The following MRAS variants were observed in gnomAD, a reference collection of about 807,000 sequenced individuals.
MRAS encodes ras-related protein M-Ras.
In MRAS, 4 loss-of-function variants were observed where a neutral mutation model predicts 20.9. The ratio of observed to expected loss-of-function variants is 0.19; its 90% CI spans 0.09 to 0.44. The LOEUF is 0.44. Among genes scored for constraint, MRAS ranks in the 20% least tolerant of loss-of-function variants. The probability of loss-of-function intolerance (pLI) is 0.99; values close to 1 mark genes in which losing one functional copy is unlikely to be tolerated. For missense variants in MRAS, 154 were observed against 277.5 expected (o/e 0.56, Z 3.16); for synonymous variants, 98 against 102.9 (o/e 0.95, Z 0.29).
chr3:138,396,934 CAA>C, intron 2 of MRAS, among the ~76,000 whole-genome samples: 1 of 152,246 alleles, frequency 6.6e-6, no homozygotes, highest in East Asian at 1.9e-4. Context: ...GGCAGCCTCC[CAA>C]AGAGTCACAG....
At chr3:138,374,818 G>A (rs2054749974) in intron 2 of MRAS, among the ~76,000 whole-genome samples, 1 of 152,146 alleles carries the variant, frequency 6.6e-6, no homozygotes, top group South Asian at 2.1e-4. Context: ...TGCTTTTTCT[G>A]TGTCTACTGA....
At chr3:138,368,319 T>C (rs1438263215) in intron 1 of MRAS, among the ~76,000 whole-genome samples, 5 of 152,162 alleles carry the variant, frequency 3.3e-5, no homozygotes, top group African/African-American at 7.2e-5. Context: ...TGTGTGTGTG[T>C]GCTCCCTCTT....
At chr3:138,376,889 G>A (rs1216557406) in intron 2 of MRAS, among the ~76,000 whole-genome samples, 1 of 152,200 alleles carries the variant, frequency 6.6e-6, no homozygotes, top group African/African-American at 2.4e-5. Context: ...GAAACACATT[G>A]CATAATGCAT....
At chr3:138,361,602 G>A (rs1488492798) in intron 1 of MRAS, among the ~76,000 whole-genome samples, 1 of 152,198 alleles carries the variant, frequency 6.6e-6, no homozygotes, top group African/African-American at 2.4e-5. Flanking sequence ...TTTGTGCAGG[G>A]TTGAGCCTGA....
chr3:138,361,584 G>A (rs1287968601), intron 1 of MRAS, among the ~76,000 whole-genome samples: 2 of 152,210 alleles, frequency 1.3e-5, no homozygotes, highest in African/African-American at 4.8e-5. Flanking sequence ...GGTGCTGGCT[G>A]AATCCAGTTT....
intron 2 of MRAS, among the ~76,000 whole-genome samples, chr3:138,381,382 A>C (rs1456981684): frequency 6.6e-6 from 1 of 152,216 alleles, no homozygotes. Flanking sequence ...CTGGAGAGCC[A>C]GGTTTTGGGC....
chr3:138,390,256 AG>A, intron 2 of MRAS, among the ~76,000 whole-genome samples: 1 of 151,604 alleles, frequency 6.6e-6, no homozygotes, highest in East Asian at 1.9e-4. Context: ...CAGCAGTTCC[AG>A]GGTCTCCAGT....
intron 2 of MRAS, among the ~76,000 whole-genome samples, chr3:138,385,337 G>A (rs2054989438): frequency 1.3e-5 from 2 of 150,302 alleles, no homozygotes; most frequent in South Asian, 4.2e-4. Context: ...GTAGAGACGG[G>A]GTTCTCACTT....
intron 1 of MRAS, among the ~76,000 whole-genome samples, chr3:138,352,602 C>G (rs1432153534): frequency 1.3e-5 from 2 of 152,054 alleles, no homozygotes; most frequent in Non-Finnish European, 2.9e-5. Context: ...TAGGTGGGGA[C>G]TGCTGCATGA....
At chr3:138,364,367 A>G (rs939626783) in intron 1 of MRAS, among the ~76,000 whole-genome samples, 9 of 152,320 alleles carry the variant, frequency 5.9e-5, no homozygotes, top group South Asian at 2.1e-4. Context: ...AACAGTCACT[A>G]TGTGCCAGGT....
chr3:138,371,926 G>C (rs2054682448), intron 1 of MRAS, among the ~76,000 whole-genome samples: 1 of 152,040 alleles, frequency 6.6e-6, no homozygotes, highest in South Asian at 2.1e-4. Context: ...TTGTGACACT[G>C]TTTACAAAGG....
At chr3:138,363,969 C>A (rs1213726885) in intron 1 of MRAS, among the ~76,000 whole-genome samples, 1 of 152,090 alleles carries the variant, frequency 6.6e-6, no homozygotes, top group South Asian at 2.1e-4. Context: ...CTTTGGTGAA[C>A]AAGCAACTCC....
chr3:138,396,427 A>AG (rs1323011816), intron 2 of MRAS, among the ~76,000 whole-genome samples: 1 of 152,156 alleles, frequency 6.6e-6, no homozygotes, highest in African/African-American at 2.4e-5. Context: ...GTCAGGCAGC[A>AG]GGGGGACTGG....
At chr3:138,400,759 T>G (rs1364380120) in intron 5 of MRAS, 146 bp downstream of exon 5, 1 of 689,958 alleles carries the variant, frequency 1.4e-6, no homozygotes, top group East Asian at 2.6e-5. Context: ...TGTCCCTCCT[T>G]CCATTTCTTT....
At chr3:138,378,659 A>G (rs557551107) in intron 2 of MRAS, among the ~76,000 whole-genome samples, 2 of 152,262 alleles carry the variant, frequency 1.3e-5, no homozygotes, top group African/African-American at 2.4e-5. Context: ...CTCTCTTGTC[A>G]TGAATCAGGA....
intron 2 of MRAS, 105 bp downstream of exon 2, chr3:138,373,181 G>A: frequency 2.9e-6 from 3 of 1,050,982 alleles, no homozygotes; most frequent in Non-Finnish European, 1.3e-6. Flanking sequence ...TAATGTTGCT[G>A]TTATGGGATG....
At chr3:138,369,471 T>C (rs1392568414) in intron 1 of MRAS, among the ~76,000 whole-genome samples, 1 of 151,806 alleles carries the variant, frequency 6.6e-6, no homozygotes, top group Non-Finnish European at 1.5e-5. Flanking sequence ...GGGGTGACAG[T>C]AGAGTATAAG....
upstream of MRAS, chr3:138,348,081 G>A (rs1307891100): frequency 6.6e-6 from 1 of 152,248 alleles, no homozygotes; most frequent in African/African-American, 2.4e-5. Flanking sequence ...GCACCCAGAA[G>A]GCCTGCGGGG....
chr3:138,359,360 A>G (rs1222298054), intron 1 of MRAS, among the ~76,000 whole-genome samples: 1 of 151,742 alleles, frequency 6.6e-6, no homozygotes, highest in African/African-American at 2.4e-5. Flanking sequence ...AAAATCTCAC[A>G]CTCATTGCCA....
Sources: allele counts gnomAD v4.1 joint callset (sites outside exome capture counted in the v4.1 genomes callset), GRCh38; gene constraint gnomAD v4.1.1; transcripts MANE v1.5; gene names NCBI Gene and HGNC (gene_info 2026-07-23, HGNC 2026-07-21).